Variants in USP22 observed in about 807,000 individuals in gnomAD.
USP22 encodes the protein ubiquitin specific peptidase 22.
Under a neutral mutation model 68.1 loss-of-function variants are expected in USP22, and 22 were observed. The observed-to-expected ratio is 0.32, with a 90% CI of 0.23 to 0.46. The LOEUF is 0.46. USP22 is among the 20% of genes least tolerant of loss of function. USP22 has a pLI of 1.00. For missense variants in USP22, 433 were observed against 695.8 expected (o/e 0.62, Z 4.25); for synonymous variants, 279 against 274.2 (o/e 1.02, Z -0.17).
intron 1 of USP22, among the ~76,000 whole-genome samples, chr17:21,039,926 T>C (rs560132251): frequency 5.3e-5 from 8 of 152,080 alleles, no homozygotes; most frequent in Non-Finnish European, 1.2e-4. Flanking sequence ...AAAATATGGC[T>C]GGGCTCAGTG....
At chr17:21,014,855 C>T (rs1270385774) in intron 6 of USP22, among the ~76,000 whole-genome samples, 6 of 152,224 alleles carry the variant, frequency 3.9e-5, no homozygotes, top group Non-Finnish European at 5.9e-5. Context: ...GTGACCTGAG[C>T]GCATGGGTTC....
At position 21,028,666 on chromosome 17, in the gene USP22, G is replaced by A; in HGVS notation, c.180C>T (p.Ser60=). The A allele has an allele frequency of 2.5e-6, 4 of 1,613,774 alleles. No homozygotes were observed. The highest frequency in any genetic ancestry group is 3.4e-6 in the Non-Finnish European group (4 of 1,179,970). ...GGACGCCACAGACATGGCAGATACA[G>A]GACTTGGCCTGAAATTCAGAGAAGA... ...TAEARKRKAK[S]CICHVCGVHL... Residue 60 remains serine, a synonymous_variant, in exon 2 of 13, where the codon TCC becomes TCT. Coordinates refer to ENST00000261497, the MANE Select transcript of USP22 (RefSeq NM_015276.2).
rs1449269958 is a variant in USP22, at chr17:20,999,965, CAG to C, written c.*3064_*3065del. Reference sequence around the variant, plus strand: ...GGTCCACGGAGGGAGCCAAGGTCCACAGAGGGCCCCGGGGCCAGAGGGAGGCC... The same window carrying C: ...GGTCCACGGAGGGAGCCAAGGTCCACAGGGCCCCGGGGCCAGAGGGAGGCC... On this transcript the variant is annotated 3_prime_UTR_variant, in exon 13 of 13. Transcript: ENST00000261497. 6.6e-6 allele frequency: 1 copy of C among 152,422 alleles called. No homozygotes were observed. Among genetic ancestry groups the C allele is most frequent in the Non-Finnish European group, 1.5e-5 (1 of 68,232 alleles). 9.4% of individuals were successfully genotyped at this position (152,422 alleles called of 1,614,324 possible). A position where few individuals can be genotyped will look rare whatever the true frequency, so the allele number is the denominator to read the frequency against.
chr17:21,027,904 G>A (rs918410230), intron 2 of USP22, among the ~76,000 whole-genome samples: 5 of 152,086 alleles, frequency 3.3e-5, no homozygotes, highest in African/African-American at 1.2e-4. Flanking sequence ...GGAAGCAGAG[G>A]TTGCAGTGAG....
At chr17:21,007,059 T>C (rs886201222) in intron 9 of USP22, 72 bp from the exon 10 acceptor site, 69 of 1,289,384 alleles carry the variant, frequency 5.4e-5, no homozygotes, top group Non-Finnish European at 6.9e-5. Context: ...TTCAGGGCCT[T>C]CTTCTGATGA....
chr17:21,019,216 A>T (rs376305036), intron 3 of USP22, 31 bp from the exon 4 acceptor site: 9 of 1,598,704 alleles, frequency 5.6e-6, no homozygotes, highest in Non-Finnish European at 6.9e-6. Context: ...TCCAAGCGCT[A>T]TTAGCTAGAT....
intron 1 of USP22, among the ~76,000 whole-genome samples, chr17:21,029,866 G>A (rs1972267109): frequency 6.6e-6 from 1 of 152,204 alleles, no homozygotes; most frequent in African/African-American, 2.4e-5. Context: ...TCAGGACGTT[G>A]CCAGGGGCTG....
intron 1 of USP22, among the ~76,000 whole-genome samples, chr17:21,029,928 T>C (rs981197305): frequency 2.0e-5 from 3 of 152,216 alleles, no homozygotes; most frequent in African/African-American, 7.2e-5. Context: ...TTGATACAGG[T>C]AAGGCAGTGA....
chr17:21,018,672 T>C (rs1972117858), intron 4 of USP22, among the ~76,000 whole-genome samples: 2 of 151,532 alleles, frequency 1.3e-5, no homozygotes, highest in South Asian at 4.2e-4. Context: ...TGCTCCAGCC[T>C]GGGCAACAGA....
chr17:21,042,336 GGGAGGGGGAGGGCGGAGAGAAA>G lies in USP22; in HGVS notation c.171+307_171+328del, dbSNP rs1219921028. 18 of 164,982 alleles carry G rather than the reference GGGAGGGGGAGGGCGGAGAGAAA, an allele frequency of 1.1e-4. No individual in the cohort carries two copies. The East Asian group carries it at 1.9e-3, about 17-fold the overall frequency. The allele number at this position is 164,982 out of a possible 1,614,324, so 10.2% of individuals were successfully genotyped here. A position where few individuals can be genotyped will look rare whatever the true frequency, so the allele number is the denominator to read the frequency against. ...GCCCCTCCCGGGCCAAGAAGGATAA[GGGAGGGGGAGGGCGGAGAGAAA>G]GGAGGGGGAGGGGACAGAGAGGAGG... is the stretch of plus-strand genomic sequence containing the variant. On this transcript the variant is annotated intron_variant, in intron 1 of 12. Transcript: ENST00000261497.
chr17:21,019,207 C>G, intron 3 of USP22, 22 bp from the exon 4 acceptor site: 1 of 1,608,802 alleles, frequency 6.2e-7, no homozygotes, highest in Non-Finnish European at 8.5e-7. Flanking sequence ...AAGGACAGTT[C>G]CAAGCGCTAT....
At chr17:21,037,050 G>C (rs1972366703) in intron 1 of USP22, among the ~76,000 whole-genome samples, 1 of 152,232 alleles carries the variant, frequency 6.6e-6, no homozygotes, top group South Asian at 2.1e-4. Flanking sequence ...AAAATAATGT[G>C]GCTATGTGAA....
Position 21,042,716 on chromosome 17 carries a change from G to T in USP22, c.120C>A (p.Ala40=). 1 of 1,451,162 alleles carries T rather than the reference G, an allele frequency of 6.9e-7. No homozygotes were observed. Among genetic ancestry groups the T allele is most frequent in the Non-Finnish European group, 9.1e-7 (1 of 1,094,850 alleles). 89.9% of individuals were successfully genotyped at this position (1,451,162 alleles called of 1,614,324 possible). Reference sequence around the variant, plus strand: ...CGCTCCACACGAAGCACTGGTAGATGGCCCGCAGGTTCTGCTTCCAGTTGT... The same window carrying T: ...CGCTCCACACGAAGCACTGGTAGATTGCCCGCAGGTTCTGCTTCCAGTTGT... ...KVDNWKQNLR[A]IYQCFVWSGT... Residue 40 remains alanine (A), a synonymous_variant, in exon 1 of 13, where the codon GCC becomes GCA. Transcript: ENST00000261497.
intron 3 of USP22, 57 bp downstream of exon 3, chr17:21,021,056 C>T (rs1242667618): frequency 2.8e-6 from 4 of 1,424,232 alleles, no homozygotes; most frequent in Admixed American, 1.7e-5. Flanking sequence ...TGGGTCTGCC[C>T]TTGATGGACA....
intron 10 of USP22, among the ~76,000 whole-genome samples, chr17:21,005,873 G>A (rs1191147180): frequency 6.6e-6 from 1 of 152,222 alleles, no homozygotes; most frequent in Non-Finnish European, 1.5e-5. Flanking sequence ...ATGTTGAGAT[G>A]AGATCCTCCT....
intron 2 of USP22, among the ~76,000 whole-genome samples, chr17:21,023,721 GCA>G (rs1444097196): frequency 6.6e-6 from 1 of 151,480 alleles, no homozygotes; most frequent in Non-Finnish European, 1.5e-5. Flanking sequence ...AGGCAGCGAA[GCA>G]CAGAGGAAAG....
intron 1 of USP22, among the ~76,000 whole-genome samples, chr17:21,033,868 C>T (rs1357027621): frequency 2.0e-5 from 3 of 151,924 alleles, no homozygotes; most frequent in Non-Finnish European, 2.9e-5. Flanking sequence ...CCTGCCTCAG[C>T]CTCCCGAGTA....
intron 1 of USP22, among the ~76,000 whole-genome samples, chr17:21,040,450 A>G (rs906903704): frequency 6.6e-6 from 1 of 152,252 alleles, no homozygotes; most frequent in African/African-American, 2.4e-5. Context: ...CTGGCACTGC[A>G]GCAGCCCCCA....
intron 7 of USP22, 99 bp from the exon 8 acceptor site, chr17:21,011,408 TGC>T: frequency 6.9e-7 from 1 of 1,450,224 alleles, no homozygotes; most frequent in Non-Finnish European, 9.3e-7. Flanking sequence ...TTCCCCGCTG[TGC>T]CCTTTGTCAC....
Sources: gnomAD v4.1 joint callset for allele counts (sites outside exome capture counted in the v4.1 genomes callset) on GRCh38, gnomAD v4.1.1 for gene constraint, MANE v1.5 for transcripts, NCBI Gene and HGNC (gene_info 2026-07-23, HGNC 2026-07-21) for gene names.